The following CSRNP3 variants were observed in gnomAD, a reference collection of about 807,000 sequenced individuals.
CSRNP3 encodes the protein cysteine/serine-rich nuclear protein 3.
A neutral mutation model predicts 48.0 loss-of-function variants in CSRNP3; 12 were observed. That is an observed-to-expected ratio of 0.25 (90% CI 0.16 to 0.41). The LOEUF (loss-of-function observed/expected upper bound fraction) is 0.41, where lower values mean the gene tolerates loss of function less well. Ranked by LOEUF, CSRNP3 falls within the 10% of genes least tolerant of loss-of-function variation. CSRNP3 has a pLI of 1.00. For synonymous variants in CSRNP3, 263 were observed against 269.7 expected, an observed-to-expected ratio of 0.98 and a Z score of 0.24; for missense variants, 580 against 724.4, an observed-to-expected ratio of 0.80 and a Z score of 2.29.
At chr2:165,581,684 G>A (rs904720717) in intron 3 of CSRNP3, among the ~76,000 whole-genome samples, 1 of 151,954 alleles carries the variant, frequency 6.6e-6, no homozygotes, top group Non-Finnish European at 1.5e-5. Context: ...TTACAAGAAT[G>A]CATCACCATG....
chr2:165,649,739 T>C (rs553489142), intron 4 of CSRNP3, among the ~76,000 whole-genome samples: 2 of 152,218 alleles, frequency 1.3e-5, no homozygotes, highest in Non-Finnish European at 2.9e-5. Flanking sequence ...TTTTGAATGC[T>C]ACTTTCATAG....
chr2:165,547,449 A>C (rs904482287), intron 3 of CSRNP3, among the ~76,000 whole-genome samples: 3 of 152,112 alleles, frequency 2.0e-5, no homozygotes, highest in Non-Finnish European at 4.4e-5. Flanking sequence ...GAATATTGTC[A>C]ATGTTAATAT....
intron 4 of CSRNP3, among the ~76,000 whole-genome samples, chr2:165,642,619 A>G (rs1686742430): frequency 6.6e-6 from 1 of 150,838 alleles, no homozygotes. Context: ...CTGGAGTGCA[A>G]TGGTGTGATC....
In CSRNP3 at chr2:165,479,909, C is replaced by T. The variant is rs544776645; in HGVS notation, c.-283+10169C>T. Among the ~76,000 whole-genome samples, 8 of 151,656 alleles carry T rather than the reference C, an allele frequency of 5.3e-5. No individual in the cohort carries two copies. The East Asian group carries it at 5.8e-4, about 11-fold the overall frequency. ...AAAAAAAAAAAAAAATAGTCCTGCA[C>T]GGTATGGCTAGGTTCTTTGTTCAGG... On this transcript the variant is annotated intron_variant, in intron 1 of 6. Transcript: ENST00000651982.
intron 3 of CSRNP3, among the ~76,000 whole-genome samples, chr2:165,566,534 T>A (rs2105270960): frequency 6.6e-6 from 1 of 151,980 alleles, no homozygotes; most frequent in South Asian, 2.1e-4. Context: ...CTCATAGGCT[T>A]GTTGTGATGG....
intron 1 of CSRNP3, among the ~76,000 whole-genome samples, chr2:165,492,063 A>C (rs1017749226): frequency 2.0e-5 from 3 of 151,908 alleles, no homozygotes; most frequent in Admixed American, 6.6e-5. Flanking sequence ...CCTCTTTCTA[A>C]ATTCTTATTC....
At chr2:165,498,663 A>G (rs570884974) in intron 2 of CSRNP3, among the ~76,000 whole-genome samples, 1 of 152,272 alleles carries the variant, frequency 6.6e-6, no homozygotes, top group South Asian at 2.1e-4. Context: ...TTTATCTATA[A>G]CAATGAATCT....
chr2:165,599,615 G>A (rs1206474188), intron 4 of CSRNP3, among the ~76,000 whole-genome samples: 2 of 152,172 alleles, frequency 1.3e-5, no homozygotes, highest in African/African-American at 2.4e-5. Flanking sequence ...TTTAGCCAGT[G>A]TGAGAGGAGT....
intron 3 of CSRNP3, among the ~76,000 whole-genome samples, chr2:165,566,224 G>C (rs895792336): frequency 1.3e-5 from 2 of 151,742 alleles, no homozygotes; most frequent in African/African-American, 4.8e-5. Context: ...AAAAATCTTA[G>C]CATTTTCAGA....
Position 165,687,331 on chromosome 2 carries a change from G to GT in CSRNP3, c.*7583dup, listed in dbSNP as rs200766525. 62 of 152,132 alleles carry GT rather than the reference G, an allele frequency of 4.1e-4. 1 individual carries two copies. In the East Asian group the frequency reaches 9.1e-3, roughly 22 times the overall value. 9.4% of individuals were successfully genotyped at this position (152,132 alleles called of 1,614,324 possible). A position where few individuals can be genotyped will look rare whatever the true frequency, so the allele number is the denominator to read the frequency against. ...TTCATTTTTGCTGTTGTTGTTGTTT[G>GT]TTTTTGTGATTGCTCTTATGTCGGT... On this transcript the variant is annotated 3_prime_UTR_variant, in exon 7 of 7. Coordinates refer to ENST00000651982, the MANE Select transcript of CSRNP3 (RefSeq NM_001172173.2).
In CSRNP3 at chr2:165,681,750, TATATATATATAC is replaced by T. The variant is rs1447931315; in HGVS notation, c.*1999_*2010del. On this transcript the variant is annotated 3_prime_UTR_variant, in exon 7 of 7. Transcript: ENST00000651982. ...ACATATATATATATATATATATATA[TATATATATATAC>T]ACACACACACACACATACACATATA... 171 of 92,918 alleles carry T rather than the reference TATATATATATAC, an allele frequency of 1.8e-3. No individual in the cohort carries two copies. The highest frequency in any genetic ancestry group is 5.0e-3 in the African/African-American group (141 of 28,288). The allele number at this position is 92,918 out of a possible 1,614,324, so 5.8% of individuals were successfully genotyped here.
At chr2:165,536,763 A>G (rs2105248618) in intron 3 of CSRNP3, among the ~76,000 whole-genome samples, 1 of 151,998 alleles carries the variant, frequency 6.6e-6, no homozygotes, top group East Asian at 1.9e-4. Flanking sequence ...TTTAATCACA[A>G]CCCACTATAT....
chr2:165,581,990 CAA>C, intron 3 of CSRNP3, among the ~76,000 whole-genome samples: 1 of 152,170 alleles, frequency 6.6e-6, no homozygotes, highest in East Asian at 1.9e-4. Context: ...TCAGTCTCCA[CAA>C]AGTGTTTTAT....
chr2:165,537,239 A>C (rs374309236), intron 3 of CSRNP3, among the ~76,000 whole-genome samples: 2 of 151,274 alleles, frequency 1.3e-5, no homozygotes, highest in African/African-American at 4.9e-5. Context: ...TTTATGGCAC[A>C]GGGACAAAGG....
intron 6 of CSRNP3, 112 bp from the exon 7 acceptor site, chr2:165,678,589 A>T (rs1272189875): frequency 1.6e-6 from 2 of 1,264,668 alleles, no homozygotes; most frequent in Non-Finnish European, 2.2e-6. Flanking sequence ...GCTCTGGCAT[A>T]TGTGGAATTA....
chr2:165,635,262 C>A (rs1189019393), intron 4 of CSRNP3, among the ~76,000 whole-genome samples: 2 of 152,170 alleles, frequency 1.3e-5, no homozygotes, highest in Non-Finnish European at 1.5e-5. Flanking sequence ...GACAAGTGGG[C>A]AGAACCTAGA....
At chr2:165,627,451 G>A (rs978547201) in intron 4 of CSRNP3, among the ~76,000 whole-genome samples, 8 of 151,850 alleles carry the variant, frequency 5.3e-5, no homozygotes, top group South Asian at 4.2e-4. Flanking sequence ...TTTCTCTTTC[G>A]TTCTGGGCCC....
At chr2:165,570,770 A>G (rs1558937404) in intron 3 of CSRNP3, among the ~76,000 whole-genome samples, 2 of 151,970 alleles carry the variant, frequency 1.3e-5, no homozygotes, top group Admixed American at 6.6e-5. Flanking sequence ...ATGCTGTGCT[A>G]AAAATGAACA....
At chr2:165,511,860 C>A (rs1684510536) in intron 2 of CSRNP3, among the ~76,000 whole-genome samples, 1 of 152,124 alleles carries the variant, frequency 6.6e-6, no homozygotes, top group Non-Finnish European at 1.5e-5. Context: ...TAGTTGCAGT[C>A]ATCTGTTTAG....
Sources: gnomAD v4.1 joint callset for allele counts (sites outside exome capture counted in the v4.1 genomes callset) on GRCh38, gnomAD v4.1.1 for gene constraint, MANE v1.5 for transcripts, NCBI Gene and HGNC (gene_info 2026-07-23, HGNC 2026-07-21) for gene names.